ARSB: variants seen among roughly 807,000 people sequenced by gnomAD.
ARSB encodes arylsulfatase B, also known as N-acetylgalactosamine-4-sulfatase.
A neutral mutation model predicts 50.9 loss-of-function variants in ARSB; 41 were observed. The observed-to-expected ratio is 0.81, with a 90% confidence interval of 0.63 to 1.04. The LOEUF is 1.04. Ranked by LOEUF, ARSB falls within the 50% of genes least tolerant of loss-of-function variation. The pLI is 0.00. For synonymous variants in ARSB, 269 were observed against 284.8 expected (o/e 0.94, Z 0.56); for missense variants, 672 against 693.3 (o/e 0.97, Z 0.35).
At chr5:78,868,165 A>G (rs1005431357) in intron 5 of ARSB, among the ~76,000 whole-genome samples, 2 of 141,268 alleles carry the variant, frequency 1.4e-5, no homozygotes, top group Admixed American at 7.3e-5. Flanking sequence ...GACTATGTGA[A>G]AAGACCAAAT....
At chr5:78,972,544 C>CACACACACA (rs1554088554) in intron 1 of ARSB, among the ~76,000 whole-genome samples, 5 of 147,520 alleles carry the variant, frequency 3.4e-5, no homozygotes, top group African/African-American at 7.9e-5. Context: ...CACACACACA[C>CACACACACA]CCCAAATCAA....
intron 6 of ARSB, among the ~76,000 whole-genome samples, chr5:78,822,776 T>C (rs1744287795): frequency 6.6e-6 from 1 of 152,202 alleles, no homozygotes. Context: ...TAGCTGGGAC[T>C]ACAGATGTGT....
chr5:78,896,619 T>A (rs1040667564), intron 4 of ARSB, among the ~76,000 whole-genome samples: 1 of 152,210 alleles, frequency 6.6e-6, no homozygotes, highest in Non-Finnish European at 1.5e-5. Context: ...GTAGGCGAAA[T>A]AGAAGTTAAA....
At chr5:78,801,895 A>G (rs1252896655) in intron 6 of ARSB, among the ~76,000 whole-genome samples, 1 of 152,058 alleles carries the variant, frequency 6.6e-6, no homozygotes, top group East Asian at 1.9e-4. Flanking sequence ...TCTAGTTTGC[A>G]CTTCTGCAAA....
chr5:78,963,727 G>C (rs749493368), intron 3 of ARSB, among the ~76,000 whole-genome samples: 16 of 152,172 alleles, frequency 1.1e-4, no homozygotes, highest in Non-Finnish European at 2.4e-4. Context: ...TAAGCTCATT[G>C]GTATACCAGG....
chr5:78,978,323 G>A (rs1323156917), intron 1 of ARSB, among the ~76,000 whole-genome samples: 5 of 126,076 alleles, frequency 4.0e-5, no homozygotes, highest in Admixed American at 2.6e-4. Context: ...AGAGCAGAGT[G>A]AGACTCTGTC....
chr5:78,960,646 A>G (rs2112501341), intron 3 of ARSB, among the ~76,000 whole-genome samples: 1 of 151,852 alleles, frequency 6.6e-6, no homozygotes, highest in East Asian at 1.9e-4. Context: ...GCTCACTGCA[A>G]CTCTTCCTCC....
intron 4 of ARSB, among the ~76,000 whole-genome samples, chr5:78,902,302 C>T (rs1440934598): frequency 1.3e-5 from 2 of 152,202 alleles, no homozygotes; most frequent in East Asian, 3.9e-4. Context: ...AACACATGAA[C>T]TTTTGGGAGA....
chr5:78,853,245 C>G (rs1484859993), intron 5 of ARSB, among the ~76,000 whole-genome samples: 1 of 152,120 alleles, frequency 6.6e-6, no homozygotes, highest in Non-Finnish European at 1.5e-5. Flanking sequence ...GTGTGGATGT[C>G]CTTTCTGTTT....
At chr5:78,865,617 A>G (rs10040592) in intron 5 of ARSB, among the ~76,000 whole-genome samples, 8,861 of 152,286 alleles carry the variant, frequency 0.058, 343 homozygotes, top group Non-Finnish European at 0.091. Context: ...CTACTCAGAA[A>G]ATGGAATTTT....
At chr5:78,917,354 CATT>C (rs1749601363) in intron 4 of ARSB, among the ~76,000 whole-genome samples, 2 of 152,202 alleles carry the variant, frequency 1.3e-5, no homozygotes, top group Non-Finnish European at 2.9e-5. Context: ...ACTTCTCTCT[CATT>C]ATCTGTATAA....
rs544911505 is a variant in ARSB at position 78,966,586 on chromosome 5, T to G, written c.500-1980A>C. ...AAGAGCTGTGTGGTCATCATAACCT[T>G]CTTGGCTGCAAGTCTCCCTTCAAAT... On this transcript the variant is annotated intron_variant, in intron 2 of 7. Coordinates refer to ENST00000264914, the MANE Select transcript of ARSB (RefSeq NM_000046.5). 4.6e-5 allele frequency among the ~76,000 whole-genome samples: 7 copies of G among 152,310 alleles called. No homozygotes were observed. In the South Asian group the frequency reaches 8.3e-4, roughly 18 times the overall value.
chr5:78,975,467 A>G (rs1285152665), intron 1 of ARSB, among the ~76,000 whole-genome samples: 4 of 152,224 alleles, frequency 2.6e-5, no homozygotes, highest in African/African-American at 9.6e-5. Flanking sequence ...TGTGATTAAG[A>G]AAAATGTGGT....
chr5:78,922,444 G>A (rs140990869), intron 4 of ARSB, among the ~76,000 whole-genome samples: 434 of 151,966 alleles, frequency 2.9e-3, no homozygotes, highest in Non-Finnish European at 4.6e-3. Context: ...GATATATCCT[G>A]GGCCAGAAGG....
At chr5:78,980,193 G>A (rs1752843083) in intron 1 of ARSB, among the ~76,000 whole-genome samples, 1 of 152,122 alleles carries the variant, frequency 6.6e-6, no homozygotes, top group South Asian at 2.1e-4. Context: ...AAAAACCATT[G>A]AATTGGATAC....
At position 78,985,035 on chromosome 5, in the gene ARSB, G is replaced by C. The variant is rs768285055; in HGVS notation, c.214C>G (p.Leu72Val). 4 of 1,542,556 alleles carry C rather than the reference G, an allele frequency of 2.6e-6. No homozygotes were observed. Among genetic ancestry groups the C allele is most frequent in the African/African-American group, 1.4e-5 (1 of 70,272 alleles). The change falls in exon 1 of 8, where the codon CTG becomes GTG. Residue 72 changes from leucine (L) to valine (V), a missense_variant. Transcript: ENST00000264914. The part of the protein sequence containing the change: ...FHGSRIRTPH[L>V]DALAAGGVLL... ...ACCCCGCCGGCCGCCAGCGCGTCCA[G>C]GTGCGGCGTGCGGATGCGGGAGCCG... is the stretch of plus-strand genomic sequence containing the variant.
intron 6 of ARSB, among the ~76,000 whole-genome samples, chr5:78,791,833 C>T (rs953905461): frequency 6.6e-5 from 10 of 152,186 alleles, no homozygotes. Flanking sequence ...TAGTGAACCT[C>T]TTTGCTTAAT....
At chr5:78,799,128 T>C (rs923960263) in intron 6 of ARSB, among the ~76,000 whole-genome samples, 1 of 152,222 alleles carries the variant, frequency 6.6e-6, no homozygotes, top group African/African-American at 2.4e-5. Context: ...TCTGAGACAG[T>C]AAGCAAAGAC....
At chr5:78,798,498 A>G (rs1554071071) in intron 6 of ARSB, among the ~76,000 whole-genome samples, 2 of 150,680 alleles carry the variant, frequency 1.3e-5, no homozygotes, top group Non-Finnish European at 3.0e-5. Flanking sequence ...AAGGAGAAAG[A>G]CCCCCCCGCC....
Sources: gnomAD v4.1 joint callset for allele counts (sites outside exome capture counted in the v4.1 genomes callset) on GRCh38, gnomAD v4.1.1 for gene constraint, MANE v1.5 for transcripts, NCBI Gene and HGNC (gene_info 2026-07-23, HGNC 2026-07-21) for gene names.